The following LRWD1 variants were observed in gnomAD, a reference collection of about 807,000 sequenced individuals.
LRWD1 encodes the protein leucine rich repeats and WD repeat domain containing 1.
A neutral mutation model predicts 75.6 loss-of-function variants in LRWD1; 76 were observed. The observed-to-expected ratio is 1.01, with a 90% CI of 0.84 to 1.22. The LOEUF is 1.22. Ranked by LOEUF, LRWD1 falls within the 50% of genes most tolerant of loss-of-function variation. The pLI is 0.00. For missense variants in LRWD1, 917 were observed against 862.0 expected (o/e 1.06, Z -0.80); for synonymous variants, 487 against 377.0 (o/e 1.29, Z -3.38).
intron 9 of LRWD1, 79 bp downstream of exon 9, chr7:102,469,141 T>A: frequency 7.6e-7 from 1 of 1,323,190 alleles, no homozygotes; most frequent in Non-Finnish European, 1.0e-6. Context: ...CTCCCCTCCC[T>A]GGGATGGCTG....
Position 102,472,791 on chromosome 7 carries a change from A to C in LRWD1, c.1790A>C (p.Gln597Pro). 6.2e-7 allele frequency: 1 copy of C among 1,613,332 alleles called. No homozygotes were observed. ...CCACCCCTGCTGCCGGCAGCCCTGC[A>C]GGCCCCCACACAGGTACTGCCCGGC... ...KQPPLLPAAL[Q>P]APTQILKWPQ... Residue 597 changes from glutamine (Q) to proline (P), a missense_variant, in exon 14 of 15, where the codon CAG (glutamine) becomes CCG (proline). Transcript: ENST00000292616.
chr7:102,469,717 T>G (rs996757426), intron 10 of LRWD1, 25 bp from the exon 11 acceptor site: 1 of 1,612,384 alleles, frequency 6.2e-7, no homozygotes, highest in East Asian at 2.2e-5. Flanking sequence ...GGTCTGATGC[T>G]CTGTTCCCCC....
Position 102,469,789 on chromosome 7 carries a change from C to A in LRWD1, c.1349C>A (p.Pro450His). Residue 450 changes from proline to histidine, a missense_variant, in exon 11 of 15, where the codon CCT (proline) becomes CAT (histidine). By Grantham distance (77) the Pro-to-His change is moderately conservative (BLOSUM62 -2). Transcript: ENST00000292616. ...DTTSIPLRLC[P>H]VASCPDARLL... ...ACCTCTATCCCCCTGCGCCTCTGCC[C>A]TGTCGCCTCCTGCCCGGACGCCCGC... The A allele has an allele frequency of 6.2e-7, 1 of 1,609,374 alleles. No individual in the cohort carries two copies. The highest frequency in any genetic ancestry group is 8.5e-7 in the Non-Finnish European group (1 of 1,177,618).
In LRWD1 at chr7:102,473,042, GGAT is replaced by G; in HGVS notation, c.1939_1941del (p.Met647del). 1 of 1,612,976 alleles carries G rather than the reference GGAT, an allele frequency of 6.2e-7. No homozygotes were observed. Among genetic ancestry groups the G allele is most frequent in the Non-Finnish European group, 8.5e-7 (1 of 1,179,320 alleles). On this transcript the variant is annotated inframe_deletion, in exon 15 of 15. Transcript: ENST00000292616. ...TCCAACATCGTAGCCATCTGGGGGAGGATGTAGCCTCACACCATCGCAAAGGAC... is the reference window on the plus strand; with the variant it reads ...TCCAACATCGTAGCCATCTGGGGGAGGTAGCCTCACACCATCGCAAAGGAC...
In LRWD1 at chr7:102,472,795, C is replaced by T; in HGVS notation, c.1794C>T (p.Ala598=). ...QPPLLPAALQ[A]PTQILKWPQP... ...CCCTGCTGCCGGCAGCCCTGCAGGC[C>T]CCCACACAGGTACTGCCCGGCTCAC... Residue 598 remains alanine, a synonymous_variant, in exon 14 of 15, where the codon GCC becomes GCT. Transcript: ENST00000292616. The T allele has an allele frequency of 6.2e-7, 1 of 1,613,352 alleles. No individual in the cohort carries two copies. Among genetic ancestry groups the T allele is most frequent in the Non-Finnish European group, 8.5e-7 (1 of 1,179,890 alleles).
rs1237555697 is a variant in LRWD1, at chr7:102,472,249, G to T, written c.1474G>T (p.Gly492Cys). 1.3e-6 allele frequency: 2 copies of T among 1,596,814 alleles called. No homozygotes were observed. Among genetic ancestry groups the T allele is most frequent in the African/African-American group, 2.7e-5 (2 of 74,712 alleles). Residue 492 changes from glycine (G) to cysteine (C), a missense_variant, in exon 12 of 15, where the codon GGC becomes TGC. Coordinates refer to ENST00000292616, the MANE Select transcript of LRWD1 (RefSeq NM_152892.3). ...TGAAGTGGAATTCGTCTTCTCTGAG[G>T]GCTCCGAGGCATCTGGACGGAGAGT... ...VCEVEFVFSE[G>C]SEASGRRVDG...
At position 102,466,015 on chromosome 7, in the gene LRWD1, C is replaced by G. The variant is rs140741148; in HGVS notation, c.279C>G (p.Leu93=). Residue 93 remains leucine (L), a synonymous_variant, in exon 2 of 15, where the codon CTC becomes CTG. Transcript: ENST00000292616. ...DVTALCQFPK[L]EELSLEGNPF... ...CTGCCTTGTGCCAGTTCCCCAAGCTCGAGGAACTCAGCCTGGAGGGCAACC... is the reference window on the plus strand; with the variant it reads ...CTGCCTTGTGCCAGTTCCCCAAGCTGGAGGAACTCAGCCTGGAGGGCAACC... The G allele has an allele frequency of 1.9e-6, 3 of 1,613,900 alleles. No individual in the cohort carries two copies. Among genetic ancestry groups the G allele is most frequent in the East Asian group, 4.5e-5 (2 of 44,872 alleles).
Position 102,468,557 on chromosome 7 carries a change from C to T in LRWD1, c.923C>T (p.Ala308Val), listed in dbSNP as rs1375153004. The T allele has an allele frequency of 1.3e-6, 2 of 1,567,734 alleles. No homozygotes were observed. The highest frequency in any genetic ancestry group is 1.4e-5 in the African/African-American group (1 of 73,764). Reference sequence around the variant, plus strand: ...CCTCTCAAAACCGGGCACTCAGGGGCCACATCCCAGACCGTGGCCACGTGC... The same window carrying T: ...CCTCTCAAAACCGGGCACTCAGGGGTCACATCCCAGACCGTGGCCACGTGC... ...CAFEPAWEEG[A>V]TSQTVATCGG... Residue 308 changes from alanine to valine, a missense_variant, in exon 8 of 15, where the codon GCC becomes GTC. Transcript: ENST00000292616.
At chr7:102,466,123 G>T (rs1563653123) in intron 2 of LRWD1, 31 bp from the exon 3 acceptor site, 4 of 1,612,898 alleles carry the variant, frequency 2.5e-6, no homozygotes, top group Non-Finnish European at 3.4e-6. Context: ...AGCATCTCCT[G>T]AGCCACTGCT....
At chr7:102,470,128 A>G (rs1044538663) in intron 11 of LRWD1, 6 of 505,524 alleles carry the variant, frequency 1.2e-5, no homozygotes, top group African/African-American at 9.8e-5. Flanking sequence ...CTGGGGCTTC[A>G]GCACCATGCT....
At chr7:102,467,851 C>A in intron 5 of LRWD1, 28 bp downstream of exon 5, 1 of 1,543,498 alleles carries the variant, frequency 6.5e-7, no homozygotes, top group Non-Finnish European at 8.8e-7. Context: ...GGCTCTGAGG[C>A]CAGCCCAGTC....
chr7:102,468,427 C>T (rs1207146075), intron 7 of LRWD1, 50 bp downstream of exon 7: 1 of 1,550,760 alleles, frequency 6.4e-7, no homozygotes. Context: ...ATAGGGCCGC[C>T]TGGATGGGTG....
chr7:102,468,092 G>A lies in LRWD1; in HGVS notation c.709G>A (p.Asp237Asn), dbSNP rs749456596. ...ARLAALKRPD[D>N]VPLSLSPSKR... ...ACTGGCGGCCTTGAAACGGCCAGAC[G>A]ACGTCCCACTCAGCCTCTCTCCCAG... The change falls in exon 6 of 15, where the codon GAC (aspartate) becomes AAC (asparagine). Residue 237 changes from aspartate to asparagine, a missense_variant. Physicochemically the swap from Asp to Asn is conservative, Grantham distance 23. Transcript: ENST00000292616. The A allele has an allele frequency of 7.5e-6, 12 of 1,609,402 alleles. No individual in the cohort carries two copies. The highest frequency in any genetic ancestry group is 3.3e-5 in the Admixed American group (2 of 59,908).
chr7:102,469,073 C>A lies in LRWD1; in HGVS notation c.1228+11C>A. The stretch of plus-strand genomic sequence containing the variant: ...AGACCCATCTCTTCAGTAAGCCCCT[C>A]CCCTTCACCCCTGGGACCCCCAAGC... On this transcript the variant is annotated intron_variant, in intron 9 of 14. Coordinates refer to ENST00000292616, the MANE Select transcript of LRWD1 (RefSeq NM_152892.3). 6.3e-7 allele frequency: 1 copy of A among 1,581,828 alleles called. No individual in the cohort carries two copies. The highest frequency in any genetic ancestry group is 1.4e-5 in the African/African-American group (1 of 74,022).
In LRWD1 at chr7:102,465,059, G is replaced by C; in HGVS notation, c.-22G>C. ...CACGCCGGGGTGGCCGACTGGGTCA[G>C]CGCGGGCTGCGCCTCCTCGCCATGG... On this transcript the variant is annotated 5_prime_UTR_variant, in exon 1 of 15. Coordinates refer to ENST00000292616, the MANE Select transcript of LRWD1 (RefSeq NM_152892.3). 1.4e-6 allele frequency: 2 copies of C among 1,475,526 alleles called. No homozygotes were observed. The allele number at this position is 1,475,526 out of a possible 1,614,324, so 91.4% of individuals were successfully genotyped here. A position where few individuals can be genotyped will look rare whatever the true frequency, so the allele number is the denominator to read the frequency against.
Position 102,468,610 on chromosome 7 carries a change from T to A in LRWD1, c.976T>A (p.Cys326Ser), listed in dbSNP as rs1798088664. The change falls in exon 8 of 15, where the codon TGC becomes AGC. Residue 326 changes from cysteine (C) to serine (S), a missense_variant. Cys to Ser is a moderately radical substitution (Grantham distance 112). Coordinates refer to ENST00000292616, the MANE Select transcript of LRWD1 (RefSeq NM_152892.3). ...CGGGGAGGCTGTGTGCGTAATTGAT[T>A]GCCAGACGGGCATCGTGCTCCACAA... The part of the protein sequence containing the change: ...CGGEAVCVID[C>S]QTGIVLHKYK... 6.3e-7 allele frequency: 1 copy of A among 1,578,120 alleles called. No individual in the cohort carries two copies. The highest frequency in any genetic ancestry group is 8.6e-7 in the Non-Finnish European group (1 of 1,161,844).
rs1798045663 is a variant in LRWD1, at chr7:102,467,475, G to A, written c.569G>A (p.Trp190Ter). 6.2e-7 allele frequency: 1 copy of A among 1,612,858 alleles called. No individual in the cohort carries two copies. Among genetic ancestry groups the A allele is most frequent in the Admixed American group, 1.7e-5 (1 of 59,984 alleles). Reference sequence around the variant, plus strand: ...GAGTCCCTCAGCGAGTTCACCCAGTGGCGGGTATGTCCCTGTCCCAATGTG... The same window carrying A: ...GAGTCCCTCAGCGAGTTCACCCAGTAGCGGGTATGTCCCTGTCCCAATGTG... ...GPESLSEFTQ[W>*]RVRMISEELV... Residue 190 changes from tryptophan (W) to a stop codon, truncating the protein, a stop_gained, in exon 4 of 15, where the codon TGG becomes TAG. Transcript: ENST00000292616. LOFTEE classifies it high-confidence loss of function.
chr7:102,467,261 T>A, intron 3 of LRWD1, 78 bp from the exon 4 acceptor site: 1 of 1,431,652 alleles, frequency 7.0e-7, no homozygotes. Flanking sequence ...GTGGCGGGAT[T>A]GAGATTCCCT....
chr7:102,472,236 C>T lies in LRWD1; in HGVS notation c.1461C>T (p.Phe487=), dbSNP rs146591819. 68 of 1,595,320 alleles carry T rather than the reference C, an allele frequency of 4.3e-5. No homozygotes were observed. The African/African-American group carries it at 5.5e-4, about 13-fold the overall frequency. Residue 487 remains phenylalanine, a synonymous_variant, in exon 12 of 15, where the codon TTC becomes TTT. Transcript: ENST00000292616. ...PQKRRVCEVE[F]VFSEGSEASG... Reference sequence around the variant, plus strand: ...CCCACAGGGTGTGTGAAGTGGAATTCGTCTTCTCTGAGGGCTCCGAGGCAT... The same window carrying T: ...CCCACAGGGTGTGTGAAGTGGAATTTGTCTTCTCTGAGGGCTCCGAGGCAT...
Sources: gnomAD v4.1 joint callset for allele counts on GRCh38, gnomAD v4.1.1 for gene constraint, MANE v1.5 for transcripts, NCBI Gene and HGNC (gene_info 2026-07-23, HGNC 2026-07-21) for gene names.